Variants in OXCT1 observed in about 807,000 individuals in gnomAD.
OXCT1 encodes succinyl-CoA:3-ketoacid coenzyme A transferase 1, mitochondrial.
Under a neutral mutation model 69.6 loss-of-function variants are expected in OXCT1, and 27 were observed. The ratio of observed to expected loss-of-function variants is 0.39; its 90% confidence interval spans 0.29 to 0.54. The LOEUF is 0.54. Ranked by LOEUF, OXCT1 falls within the 20% of genes least tolerant of loss-of-function variation. The pLI, the probability that OXCT1 is intolerant of heterozygous loss-of-function variation, is 0.72. For missense variants in OXCT1, 437 were observed against 650.2 expected (o/e 0.67, Z 3.57); for synonymous variants, 202 against 217.8 (o/e 0.93, Z 0.64).
chr5:41,843,584 C>A (rs1441589649), intron 5 of OXCT1: 1 of 456,014 alleles, frequency 2.2e-6, no homozygotes, highest in South Asian at 1.5e-5. Context: ...CCATCATGTT[C>A]TTTTATTCTT....
chr5:41,777,364 C>T (rs1209055774), intron 13 of OXCT1, among the ~76,000 whole-genome samples: 1 of 151,944 alleles, frequency 6.6e-6, no homozygotes, highest in Non-Finnish European at 1.5e-5. Context: ...TGCAGTGAGC[C>T]GAGATCGTGC....
intron 13 of OXCT1, among the ~76,000 whole-genome samples, chr5:41,787,952 C>A (rs1745726836): frequency 6.6e-6 from 1 of 151,886 alleles, no homozygotes; most frequent in Non-Finnish European, 1.5e-5. Context: ...TAGATCTCTG[C>A]ACAGAAAAAG....
rs142270376 is a variant in OXCT1 at position 41,767,819 on chromosome 5, C to T, written c.1249-5619G>A. Among the ~76,000 whole-genome samples the T allele has an allele frequency of 8.0e-3, 1,192 of 149,918 alleles. 20 individuals are homozygous for T. Among genetic ancestry groups the T allele is most frequent in the African/African-American group, 0.028 (1,141 of 40,390 alleles). ...TGCATATCACAGTGTCTTCCATTCA[C>T]TCCTTGAAATCCTCCACTTAGGGGC... On this transcript the variant is annotated intron_variant, in intron 13 of 16. Transcript: ENST00000196371.
intron 15 of OXCT1, among the ~76,000 whole-genome samples, chr5:41,742,142 C>G (rs959446665): frequency 3.3e-5 from 5 of 152,030 alleles, no homozygotes; most frequent in African/African-American, 1.2e-4. Flanking sequence ...AAATCTATGG[C>G]AAATTGACAT....
chr5:41,829,836 C>A (rs140059966), intron 7 of OXCT1, among the ~76,000 whole-genome samples: 1,754 of 152,242 alleles, frequency 0.012, 35 homozygotes, highest in African/African-American at 0.04. Flanking sequence ...CCAAACTACT[C>A]AACTACAATA....
At chr5:41,731,808 C>T (rs1343231439) in intron 16 of OXCT1, 38 bp from the exon 17 acceptor site, 1 of 1,586,286 alleles carries the variant, frequency 6.3e-7, no homozygotes, top group Non-Finnish European at 8.6e-7. Context: ...TTATGAAAAA[C>T]TGCATGATAT....
At chr5:41,780,965 G>A (rs562144479) in intron 13 of OXCT1, among the ~76,000 whole-genome samples, 21 of 151,408 alleles carry the variant, frequency 1.4e-4, no homozygotes, top group Admixed American at 1.1e-3. Flanking sequence ...GGGCAGTGGC[G>A]CGATCTTGGC....
intron 7 of OXCT1, among the ~76,000 whole-genome samples, chr5:41,819,369 G>T (rs1437548172): frequency 6.6e-6 from 1 of 150,702 alleles, no homozygotes; most frequent in African/African-American, 2.4e-5. Flanking sequence ...TTCCTTTTTT[G>T]GGGGGGATTG....
At chr5:41,802,001 C>T (rs893393067) in intron 10 of OXCT1, among the ~76,000 whole-genome samples, 1 of 151,946 alleles carries the variant, frequency 6.6e-6, no homozygotes, top group South Asian at 2.1e-4. Flanking sequence ...ACTGAAGTGG[C>T]AACTAATGTT....
Position 41,870,113 on chromosome 5 carries a change from C to G in OXCT1, c.78+168G>C, listed in dbSNP as rs1219707749. 1.5e-6 allele frequency: 1 copy of G among 686,652 alleles called. No homozygotes were observed. Among genetic ancestry groups the G allele is most frequent in the African/African-American group, 1.8e-5 (1 of 56,454 alleles). The allele number at this position is 686,652 out of a possible 1,614,324, so 42.5% of individuals were successfully genotyped here. A position where few individuals can be genotyped will look rare whatever the true frequency, so the allele number is the denominator to read the frequency against. On this transcript the variant is annotated intron_variant, in intron 1 of 16. Transcript: ENST00000196371. This position sits in a 1 kb window ranked among gnomAD's most constrained non-coding sequence, Gnocchi z 4.2. The stretch of plus-strand genomic sequence containing the variant: ...CAAAGGCGGTCATCCGAGGGGCCGG[C>G]GAGGCCAGGAACGCGTCGCCGCGTG...
intron 15 of OXCT1, among the ~76,000 whole-genome samples, chr5:41,742,813 C>CT (rs905019997): frequency 6.6e-6 from 1 of 152,122 alleles, no homozygotes; most frequent in Non-Finnish European, 1.5e-5. Flanking sequence ...TGAACTCATC[C>CT]TTTTTTATGG....
intron 13 of OXCT1, 25 bp downstream of exon 13, chr5:41,793,978 T>A (rs752776069): frequency 1.4e-6 from 2 of 1,385,332 alleles, no homozygotes; most frequent in Non-Finnish European, 2.1e-6. Flanking sequence ...CCAAACATAA[T>A]TCAGAATAAA....
chr5:41,801,064 A>T lies in OXCT1; in HGVS notation c.1057T>A (p.Tyr353Asn). ...GCATCAGCTTCATGTTGTCGTGGAT[A>T]TGGACCCTGTCAAATACAACATACA... ...SENGVLGLGPYPRQHEADADL... is the reference protein window; with the variant it reads ...SENGVLGLGPNPRQHEADADL... The change falls in exon 11 of 17, where the codon TAT (tyrosine) becomes AAT (asparagine). Residue 353 changes from tyrosine (Y) to asparagine (N), a missense_variant. Physicochemically the swap from Tyr to Asn is moderately radical, Grantham distance 143 (BLOSUM62 -2). Around this residue, in one of 4 missense-constraint regions of OXCT1, gnomAD observed 252 missense variants for 397.4 expected, o/e 0.63. Transcript: ENST00000196371. 2.5e-6 allele frequency: 4 copies of T among 1,610,572 alleles called. No individual in the cohort carries two copies. The highest frequency in any genetic ancestry group is 3.4e-6 in the Non-Finnish European group (4 of 1,176,906).
In OXCT1 at chr5:41,731,732, A is replaced by G. The variant is rs890448205; in HGVS notation, c.1560T>C (p.Asn520=). Reference sequence around the variant, plus strand: ...GCCTGGTACAAATATCCATATTTCAATTTGCGATCTGCTGCATTGGCATGA... The same window carrying G: ...GCCTGGTACAAATATCCATATTTCAGTTTGCGATCTGCTGCATTGGCATGA... The part of the protein sequence containing the change: ...PKLMPMQQIA[N] Residue 520 remains asparagine, a synonymous_variant, in exon 17 of 17, where the codon AAT becomes AAC. Transcript: ENST00000196371. 2 of 1,608,500 alleles carry G rather than the reference A, an allele frequency of 1.2e-6. No homozygotes were observed. The highest frequency in any genetic ancestry group is 1.7e-6 in the Non-Finnish European group (2 of 1,177,234).
intron 7 of OXCT1, among the ~76,000 whole-genome samples, chr5:41,818,192 G>GTCTTTCAT (rs1747342767): frequency 1.3e-5 from 2 of 152,212 alleles, no homozygotes; most frequent in East Asian, 3.9e-4. Flanking sequence ...GGAGAAGACA[G>GTCTTTCAT]GTAACCAGAG....
At chr5:41,756,983 C>G (rs1275990545) in intron 14 of OXCT1, among the ~76,000 whole-genome samples, 1 of 151,906 alleles carries the variant, frequency 6.6e-6, no homozygotes, top group Non-Finnish European at 1.5e-5. Context: ...GGTGGCAAAG[C>G]AGGGGGAGTC....
intron 5 of OXCT1, chr5:41,843,698 A>AC: frequency 2.5e-6 from 1 of 392,708 alleles, no homozygotes; most frequent in Non-Finnish European, 5.2e-6. Flanking sequence ...TCCCTACCGC[A>AC]CCCCCTAGTG....
At chr5:41,739,648 A>G in intron 15 of OXCT1, 157 bp from the exon 16 acceptor site, 2 of 619,438 alleles carry the variant, frequency 3.2e-6, no homozygotes, top group Non-Finnish European at 3.0e-6. Flanking sequence ...GGTGGATCAC[A>G]AGGTCAGGAG....
chr5:41,858,126 A>T (rs1172098618), intron 3 of OXCT1, among the ~76,000 whole-genome samples: 1 of 152,184 alleles, frequency 6.6e-6, no homozygotes, highest in Non-Finnish European at 1.5e-5. Flanking sequence ...TTAGACTAGT[A>T]TCCTGGCATA....
Sources: gnomAD v4.1 joint callset for allele counts (sites outside exome capture counted in the v4.1 genomes callset) on GRCh38, gnomAD v4.1.1 for gene constraint, gnomAD v4.1.1 regional missense constraint, Gnocchi (gnomAD v3.1) non-coding constraint, MANE v1.5 for transcripts, NCBI Gene and HGNC (gene_info 2026-07-23, HGNC 2026-07-21) for gene names.